The following NCAM1 variants were observed in gnomAD, a reference collection of about 807,000 sequenced individuals.
The protein encoded by NCAM1 is antigen recognized by monoclonal antibody 5.1H11.
Under a neutral mutation model 109.8 loss-of-function variants are expected in NCAM1, and 14 were observed. The observed-to-expected ratio is 0.13, with a 90% CI of 0.08 to 0.20. The LOEUF is 0.20. Among genes scored for constraint, NCAM1 ranks in the 10% least tolerant of loss-of-function variants. NCAM1 has a pLI of 1.00. For synonymous variants in NCAM1, 418 were observed against 442.9 expected, an observed-to-expected ratio of 0.94 and a Z score of 0.70; for missense variants, 774 against 1,109.9, an observed-to-expected ratio of 0.70 and a Z score of 4.30.
intron 1 of NCAM1, among the ~76,000 whole-genome samples, chr11:113,047,257 C>T (rs925815884): frequency 6.6e-6 from 1 of 152,014 alleles, no homozygotes; most frequent in South Asian, 2.1e-4. Context: ...TATTTATTGA[C>T]TTGAGGAAAT....
chr11:112,990,521 G>A (rs770992764), intron 1 of NCAM1, among the ~76,000 whole-genome samples: 3 of 152,034 alleles, frequency 2.0e-5, no homozygotes, highest in Non-Finnish European at 4.4e-5. Context: ...ACCCTGCTCC[G>A]GGGACTTAGA....
intron 1 of NCAM1, among the ~76,000 whole-genome samples, chr11:113,023,157 G>A (rs567652387): frequency 2.2e-4 from 33 of 152,264 alleles, no homozygotes; most frequent in Middle Eastern, 3.4e-3. Context: ...ATATCAGAGC[G>A]GCACGAACTT....
At position 113,231,670 on chromosome 11, in the gene NCAM1, G is replaced by T. The variant is rs781923282; in HGVS notation, c.1115G>T (p.Arg372Leu). ...QETLDGHMVV[R>L]SHARVSSLTL... is the part of the protein sequence containing the mutation. ...ACTCTGGATGGGCACATGGTGGTGC[G>T]TAGCCATGCCCGTGTGTCGTCGCTG... Residue 372 changes from arginine (R) to leucine (L), a missense_variant, in exon 10 of 20, where the codon CGT becomes CTT. Coordinates refer to ENST00000316851, the MANE Select transcript of NCAM1 (RefSeq NM_181351.5). 1 of 1,613,778 alleles carries T rather than the reference G, an allele frequency of 6.2e-7. No individual in the cohort carries two copies. Among genetic ancestry groups the T allele is most frequent in the Non-Finnish European group, 8.5e-7 (1 of 1,179,858 alleles).
In NCAM1 at chr11:113,232,501, T is replaced by C. The variant is rs1209995322; in HGVS notation, c.1425+147T>C. Reference sequence around the variant, plus strand: ...GGCTAGAGAAGACACTGAGCCTCTTTTCAGCTCCCCTTCGCCCACTCTACC... The same window carrying C: ...GGCTAGAGAAGACACTGAGCCTCTTCTCAGCTCCCCTTCGCCCACTCTACC... On this transcript the variant is annotated intron_variant, in intron 11 of 19. Transcript: ENST00000316851. The C allele has an allele frequency of 9.7e-6, 9 of 928,116 alleles. No homozygotes were observed. The South Asian group carries it at 1.6e-4, about 16-fold the overall frequency. 57.5% of individuals were successfully genotyped at this position (928,116 alleles called of 1,614,324 possible).
At chr11:112,961,867 C>T (rs1433128790) in intron 1 of NCAM1, among the ~76,000 whole-genome samples, 3 of 152,108 alleles carry the variant, frequency 2.0e-5, no homozygotes, top group Non-Finnish European at 2.9e-5. Flanking sequence ...GGGGCTGCCT[C>T]CCCGAGCCGC....
At chr11:113,031,674 G>A (rs563121194) in intron 1 of NCAM1, among the ~76,000 whole-genome samples, 17 of 149,006 alleles carry the variant, frequency 1.1e-4, no homozygotes, top group African/African-American at 4.2e-4. Flanking sequence ...CCTGGGCAAA[G>A]TGAGACTGTC....
chr11:113,199,829 T>TGGAAAAAAAAAAAAAAAAAAAAAAAA (rs60389510), intron 1 of NCAM1, among the ~76,000 whole-genome samples: 1 of 115,766 alleles, frequency 8.6e-6, no homozygotes, highest in African/African-American at 3.4e-5. Context: ...GAAACACCCT[T>TGGAAAAAAAAAAAAAAAAAAAAAAAA]AAAAAAAAAA....
intron 1 of NCAM1, among the ~76,000 whole-genome samples, chr11:113,088,070 AC>A (rs1324761241): frequency 6.6e-6 from 1 of 152,346 alleles, no homozygotes; most frequent in African/African-American, 2.4e-5. Context: ...TTTCAACAAA[AC>A]AAATGGTTCT....
chr11:113,205,691 TG>T (rs1944215503), intron 4 of NCAM1, 25 bp downstream of exon 4: 1 of 1,607,034 alleles, frequency 6.2e-7, no homozygotes, highest in Non-Finnish European at 8.5e-7. Context: ...TCCTGGCATC[TG>T]CCTTTTCCCC....
At chr11:113,258,114 T>C (rs1224318479) in intron 16 of NCAM1, among the ~76,000 whole-genome samples, 1 of 152,228 alleles carries the variant, frequency 6.6e-6, no homozygotes, top group East Asian at 1.9e-4. Context: ...GACAGTGCTA[T>C]TGTGTTCTGC....
rs1439445265 is a variant in NCAM1, at chr11:112,962,117, G to A, written c.52+453G>A. 6.6e-6 allele frequency among the ~76,000 whole-genome samples: 1 copy of A among 152,202 alleles called. No homozygotes were observed. The highest frequency in any genetic ancestry group is 1.5e-5 in the Non-Finnish European group (1 of 68,024). ...CGGCTCCGGGAAGAGTGAACAATAA[G>A]GCTAGGGCAGCCGCCCCAGATCGTT... is the stretch of plus-strand genomic sequence containing the variant. On this transcript the variant is annotated intron_variant, in intron 1 of 19. Transcript: ENST00000316851. This position sits in a 1 kb window ranked among gnomAD's most constrained non-coding sequence, Gnocchi z 5.6.
intron 1 of NCAM1, among the ~76,000 whole-genome samples, chr11:113,089,263 G>A (rs917647077): frequency 3.3e-5 from 5 of 152,138 alleles, no homozygotes; most frequent in South Asian, 2.1e-4. Context: ...CCGAGATCGC[G>A]CCACTGCACT....
chr11:112,999,235 G>C (rs1455875742), intron 1 of NCAM1, among the ~76,000 whole-genome samples: 2 of 152,154 alleles, frequency 1.3e-5, no homozygotes, highest in African/African-American at 4.8e-5. Context: ...TTTCTCAAAA[G>C]ACCTTCACTC....
At chr11:113,166,507 A>C (rs1455643845) in intron 1 of NCAM1, among the ~76,000 whole-genome samples, 1 of 152,228 alleles carries the variant, frequency 6.6e-6, no homozygotes, top group Non-Finnish European at 1.5e-5. Flanking sequence ...CCTGTAAAAT[A>C]GGTGCATTTT....
At chr11:113,148,501 G>T (rs1221645508) in intron 1 of NCAM1, among the ~76,000 whole-genome samples, 1 of 151,822 alleles carries the variant, frequency 6.6e-6, no homozygotes, top group African/African-American at 2.4e-5. Context: ...TCTTAGTGAG[G>T]CAGAATGAAG....
intron 1 of NCAM1, among the ~76,000 whole-genome samples, chr11:113,014,903 C>T (rs1431736349): frequency 1.3e-5 from 2 of 152,146 alleles, no homozygotes; most frequent in African/African-American, 4.8e-5. Flanking sequence ...TATCTGGGGC[C>T]CAGAGCAGCA....
intron 1 of NCAM1, among the ~76,000 whole-genome samples, chr11:113,017,635 T>TTGTGTGTGTGTGTGTG (rs71698389): frequency 0.1 from 14,902 of 145,070 alleles, 815 homozygotes; most frequent in Non-Finnish European, 0.12. Flanking sequence ...CAGTACTGTT[T>TTGTGTGTGTGTGTGTG]TGTGTGTGTG....
intron 1 of NCAM1, among the ~76,000 whole-genome samples, chr11:113,022,397 A>G (rs573925831): frequency 1.3e-5 from 2 of 152,342 alleles, no homozygotes; most frequent in Admixed American, 6.5e-5. Context: ...CTGAAATTGC[A>G]TAGATGATGG....
At chr11:113,116,193 T>C (rs545965296) in intron 1 of NCAM1, among the ~76,000 whole-genome samples, 2 of 152,358 alleles carry the variant, frequency 1.3e-5, no homozygotes, top group African/African-American at 4.8e-5. Context: ...TACTAATTCA[T>C]ATATTTGTAG....
Sources: gnomAD v4.1 joint callset for allele counts (sites outside exome capture counted in the v4.1 genomes callset) on GRCh38, gnomAD v4.1.1 for gene constraint, Gnocchi (gnomAD v3.1) non-coding constraint, MANE v1.5 for transcripts, NCBI Gene and HGNC (gene_info 2026-07-23, HGNC 2026-07-21) for gene names.